The following CTDSPL variants were observed in gnomAD, a reference collection of about 807,000 sequenced individuals.
CTDSPL encodes CTD small phosphatase-like protein.
CTDSPL carries 8 observed loss-of-function variants against 30.5 expected under a neutral mutation model. The observed-to-expected ratio is 0.26, with a 90% CI of 0.15 to 0.47. The LOEUF (loss-of-function observed/expected upper bound fraction) is 0.47. Ranked by LOEUF, CTDSPL falls within the 20% of genes least tolerant of loss-of-function variation. The pLI is 0.99. For synonymous variants in CTDSPL, 110 were observed against 137.9 expected (o/e 0.80, Z 1.42); for missense variants, 248 against 366.1 (o/e 0.68, Z 2.63).
intron 1 of CTDSPL, among the ~76,000 whole-genome samples, chr3:37,911,254 T>A (rs1250711636): frequency 1.3e-5 from 2 of 151,826 alleles, no homozygotes; most frequent in African/African-American, 4.8e-5. Context: ...TTCCACAGAG[T>A]GGTGGTTTGT....
chr3:37,862,346 C>T lies in CTDSPL; in HGVS notation c.79+68C>T. On this transcript the variant is annotated intron_variant, in intron 1 of 7. Coordinates refer to ENST00000273179, the MANE Select transcript of CTDSPL (RefSeq NM_001008392.2). The surrounding 1 kb of genome is among the most constrained non-coding windows in gnomAD (Gnocchi z 4.3). The stretch of plus-strand genomic sequence containing the variant: ...CACCCCGCGCCGCTGGAGTTCACTG[C>T]CGGGCGCCGGCATGGGCCTGGGGGA... The T allele has an allele frequency of 7.5e-7, 1 of 1,334,664 alleles. No homozygotes were observed. Among genetic ancestry groups the T allele is most frequent in the African/African-American group, 1.6e-5 (1 of 64,176 alleles). 82.7% of individuals were successfully genotyped at this position (1,334,664 alleles called of 1,614,324 possible).
At chr3:37,910,866 T>C (rs2125605721) in intron 1 of CTDSPL, among the ~76,000 whole-genome samples, 1 of 152,272 alleles carries the variant, frequency 6.6e-6, no homozygotes, top group East Asian at 1.9e-4. Flanking sequence ...CACATGTGAA[T>C]GTGGTCCCTG....
intron 3 of CTDSPL, among the ~76,000 whole-genome samples, chr3:37,959,186 A>C (rs1699208523): frequency 6.6e-6 from 1 of 152,208 alleles, no homozygotes; most frequent in Non-Finnish European, 1.5e-5. Context: ...GAGCAGCTGC[A>C]TCTGGGGTCC....
chr3:37,878,399 G>A (rs1207552351), intron 1 of CTDSPL, among the ~76,000 whole-genome samples: 3 of 152,158 alleles, frequency 2.0e-5, no homozygotes, highest in African/African-American at 7.2e-5. Context: ...TGCATACGTG[G>A]ATGTCCAGTT....
intron 1 of CTDSPL, among the ~76,000 whole-genome samples, chr3:37,914,405 C>T (rs1276510481): frequency 2.0e-5 from 3 of 152,142 alleles, no homozygotes; most frequent in Non-Finnish European, 4.4e-5. Flanking sequence ...GCATTCTTGT[C>T]TTATCCTTGA....
chr3:37,973,755 G>A (rs1429136352), intron 6 of CTDSPL, among the ~76,000 whole-genome samples: 1 of 152,208 alleles, frequency 6.6e-6, no homozygotes, highest in African/African-American at 2.4e-5. Flanking sequence ...CCTATTGTGT[G>A]CCAGGCACAG....
intron 1 of CTDSPL, among the ~76,000 whole-genome samples, chr3:37,945,692 T>C (rs904506008): frequency 6.6e-6 from 1 of 152,246 alleles, no homozygotes; most frequent in African/African-American, 2.4e-5. Context: ...AACAGCCAGC[T>C]TTCTCAGAGA....
intron 1 of CTDSPL, among the ~76,000 whole-genome samples, chr3:37,893,193 G>C (rs1257965721): frequency 1.3e-5 from 2 of 152,170 alleles, no homozygotes; most frequent in Non-Finnish European, 2.9e-5. Context: ...GCTGTTGTTT[G>C]GATGTCAGAG....
intron 6 of CTDSPL, among the ~76,000 whole-genome samples, chr3:37,973,665 C>T (rs1340870223): frequency 6.6e-6 from 1 of 152,268 alleles, no homozygotes; most frequent in Non-Finnish European, 1.5e-5. Context: ...GCAGGAACCT[C>T]AAGCTGACTG....
intron 1 of CTDSPL, among the ~76,000 whole-genome samples, chr3:37,944,107 G>A (rs1002573355): frequency 6.7e-6 from 1 of 150,034 alleles, no homozygotes; most frequent in Non-Finnish European, 1.5e-5. Flanking sequence ...TTTAGAAATA[G>A]CACAAAGTTG....
intron 1 of CTDSPL, among the ~76,000 whole-genome samples, chr3:37,927,756 T>A (rs1037662877): frequency 6.6e-6 from 1 of 151,228 alleles, no homozygotes; most frequent in African/African-American, 2.4e-5. Flanking sequence ...TACAGTCTTA[T>A]CTATATTGTA....
rs1326190065 is a variant in CTDSPL, at chr3:37,975,688, A to G, written c.520-21A>G. On this transcript the variant is annotated intron_variant, in intron 6 of 7. Transcript: ENST00000273179. The surrounding 1 kb of genome is among the most constrained non-coding windows in gnomAD (Gnocchi z 4.9). ...GGGCTCTTTTAAACACCCAGCCTTC[A>G]TTGTGACACGTCTTTTCCAGTATGC... is the stretch of plus-strand genomic sequence containing the variant. 1.3e-6 allele frequency: 2 copies of G among 1,587,468 alleles called. No individual in the cohort carries two copies. The highest frequency in any genetic ancestry group is 1.1e-5 in the South Asian group (1 of 88,568).
chr3:37,884,172 A>G (rs1281548522), intron 1 of CTDSPL, among the ~76,000 whole-genome samples: 1 of 152,228 alleles, frequency 6.6e-6, no homozygotes, highest in African/African-American at 2.4e-5. Context: ...AATAGCAAAA[A>G]ATATTGAAAA....
At position 37,862,103 on chromosome 3, in the gene CTDSPL, C is replaced by A. The variant is rs1469579753; in HGVS notation, c.-97C>A. 6 of 298,982 alleles carry A rather than the reference C, an allele frequency of 2.0e-5. No homozygotes were observed. Among genetic ancestry groups the A allele is most frequent in the South Asian group, 1.3e-4 (1 of 7,666 alleles). 18.5% of individuals were successfully genotyped at this position (298,982 alleles called of 1,614,324 possible). ...CGCGCCCAGGCAGCGGCTGCGAGCG[C>A]CCCCCCGCGCCGCGCCCCCGCGCCC... is the stretch of plus-strand genomic sequence containing the variant. On this transcript the variant is annotated 5_prime_UTR_variant, in exon 1 of 8. Transcript: ENST00000273179. The surrounding 1 kb of genome is among the most constrained non-coding windows in gnomAD (Gnocchi z 4.3).
intron 1 of CTDSPL, among the ~76,000 whole-genome samples, chr3:37,865,593 G>C (rs562340566): frequency 6.6e-6 from 1 of 152,250 alleles, no homozygotes; most frequent in South Asian, 2.1e-4. Flanking sequence ...AAACCAATAG[G>C]AGTTTATTCT....
intron 1 of CTDSPL, among the ~76,000 whole-genome samples, chr3:37,935,704 A>G (rs1455904886): frequency 6.6e-6 from 1 of 152,200 alleles, no homozygotes; most frequent in Non-Finnish European, 1.5e-5. Flanking sequence ...TAAGGCTACC[A>G]GGAGTATTAT....
At chr3:37,965,869 G>C (rs1274352732) in intron 4 of CTDSPL, among the ~76,000 whole-genome samples, 1 of 152,172 alleles carries the variant, frequency 6.6e-6, no homozygotes, top group Admixed American at 6.5e-5. Flanking sequence ...GGGCATGCAG[G>C]GACCACCTCA....
intron 1 of CTDSPL, among the ~76,000 whole-genome samples, chr3:37,874,818 G>A (rs1308582744): frequency 2.0e-5 from 3 of 152,118 alleles, no homozygotes; most frequent in Non-Finnish European, 2.9e-5. Flanking sequence ...GGTAACCTAT[G>A]GTGCCAAGGG....
chr3:37,926,081 C>T (rs1164906647), intron 1 of CTDSPL, among the ~76,000 whole-genome samples: 2 of 152,136 alleles, frequency 1.3e-5, no homozygotes, highest in Non-Finnish European at 2.9e-5. Context: ...AATTCACTAC[C>T]CTTTAGGGGC....
Sources: allele counts gnomAD v4.1 joint callset (sites outside exome capture counted in the v4.1 genomes callset), GRCh38; gene constraint gnomAD v4.1.1; non-coding constraint Gnocchi (gnomAD v3.1); transcripts MANE v1.5; gene names NCBI Gene and HGNC (gene_info 2026-07-23, HGNC 2026-07-21).